Variants in TRIM66 observed in about 807,000 individuals in gnomAD.
TRIM66 encodes the protein tripartite motif containing 66.
A neutral mutation model predicts 148.2 loss-of-function variants in TRIM66; 99 were observed. That is an observed-to-expected ratio of 0.67 (90% CI 0.57 to 0.79). TRIM66 has a LOEUF of 0.79. Among genes scored for constraint, TRIM66 ranks in the 30% least tolerant of loss-of-function variants. TRIM66 has a pLI of 0.00. For missense variants in TRIM66, 1,666 were observed against 1,697.9 expected (o/e 0.98, Z 0.33); for synonymous variants, 616 against 635.9 (o/e 0.97, Z 0.47).
intron 6 of TRIM66, among the ~76,000 whole-genome samples, chr11:8,667,660 C>T (rs930599889): frequency 2.0e-5 from 3 of 152,224 alleles, no homozygotes; most frequent in African/African-American, 4.8e-5. Flanking sequence ...CAGAATCATA[C>T]AGTACTTGCC....
intron 15 of TRIM66, among the ~76,000 whole-genome samples, chr11:8,631,849 G>A (rs1347053537): frequency 6.6e-6 from 1 of 152,178 alleles, no homozygotes; most frequent in African/African-American, 2.4e-5. Context: ...TGTGATGGCT[G>A]TTTTTGCTGC....
intron 1 of TRIM66, chr11:8,680,682 C>G (rs11042037): frequency 0.047 from 7,106 of 152,198 alleles, 193 homozygotes; most frequent in Admixed American, 0.076. Flanking sequence ...CCAAGGAATA[C>G]TAACCAGTAA....
chr11:8,619,911 A>C, intron 22 of TRIM66, 139 bp downstream of exon 22: 1 of 888,010 alleles, frequency 1.1e-6, no homozygotes, highest in African/African-American at 1.7e-5. Flanking sequence ...TGAGCAGAAA[A>C]GACAGTAGCA....
chr11:8,622,730 A>T, intron 18 of TRIM66, 86 bp downstream of exon 18: 1 of 1,253,296 alleles, frequency 8.0e-7, no homozygotes, highest in Non-Finnish European at 1.1e-6. Flanking sequence ...ACTTGTAGTT[A>T]ATTCATCAAG....
chr11:8,631,722 T>C (rs1487318322), intron 15 of TRIM66, among the ~76,000 whole-genome samples: 1 of 152,234 alleles, frequency 6.6e-6, no homozygotes, highest in Non-Finnish European at 1.5e-5. Flanking sequence ...TACTATAATG[T>C]AGCTAAACTA....
Position 8,641,089 on chromosome 11 carries a change from T to C in TRIM66, c.1286A>G (p.Gln429Arg), listed in dbSNP as rs1349388074. ...RADAPAYGGL[Q>R]GSSPFYQSHQ... Reference sequence around the variant, plus strand: ...GCTTTGATAAAAGGGTGATGACCCCTGTAAGCCTCCATAAGCAGGAGCATC... The same window carrying C: ...GCTTTGATAAAAGGGTGATGACCCCCGTAAGCCTCCATAAGCAGGAGCATC... Residue 429 changes from glutamine to arginine, a missense_variant, in exon 14 of 25, where the codon CAG becomes CGG. This residue lies in a region of TRIM66 where 1,431 missense variants were observed against 1,412.4 expected (regional missense o/e 1.01). Coordinates refer to ENST00000646038, the MANE Select transcript of TRIM66 (RefSeq NM_001388022.1). 1 of 1,551,730 alleles carries C rather than the reference T, an allele frequency of 6.4e-7. No individual in the cohort carries two copies. Among genetic ancestry groups the C allele is most frequent in the Non-Finnish European group, 8.7e-7 (1 of 1,146,992 alleles).
chr11:8,681,278 C>G (rs533972370), intron 1 of TRIM66, among the ~76,000 whole-genome samples: 11 of 152,064 alleles, frequency 7.2e-5, no homozygotes. Flanking sequence ...GGACTACAGG[C>G]GCCCACCACC....
At position 8,619,380 on chromosome 11, in the gene TRIM66, T is replaced by C; in HGVS notation, c.3900+3A>G. The C allele has an allele frequency of 7.0e-7, 1 of 1,437,766 alleles. No homozygotes were observed. Among genetic ancestry groups the C allele is most frequent in the South Asian group, 1.3e-5 (1 of 74,890 alleles). The allele number at this position is 1,437,766 out of a possible 1,614,324, so 89.1% of individuals were successfully genotyped here. On this transcript the variant is annotated splice_donor_region_variant and intron_variant, in intron 23 of 24. Transcript: ENST00000646038. ...GGAGAGAGGGAAAACAGGCAAGACA[T>C]ACATAATTGAACTTAGCACAGTTCC...
upstream of TRIM66, chr11:8,683,141 G>T: frequency 1.3e-6 from 2 of 1,513,848 alleles, no homozygotes; most frequent in Non-Finnish European, 1.8e-6. Context: ...CATCTCGGCT[G>T]GCGGGCATCG....
chr11:8,631,017 T>C (rs1175660715), intron 15 of TRIM66, among the ~76,000 whole-genome samples: 3 of 152,200 alleles, frequency 2.0e-5, no homozygotes, highest in Admixed American at 2.0e-4. Context: ...TTCAGTGTGT[T>C]GACATTATTA....
At chr11:8,678,179 T>C (rs571190301) in intron 3 of TRIM66, 15 of 152,322 alleles carry the variant, frequency 9.8e-5, no homozygotes, top group African/African-American at 2.6e-4. Context: ...CCTAGACAAG[T>C]TATTCAACAG....
intron 12 of TRIM66, chr11:8,644,540 A>G (rs1215426111): frequency 5.1e-6 from 2 of 395,916 alleles, no homozygotes; most frequent in East Asian, 1.4e-4. Context: ...CTCCCATCTC[A>G]GACGAAGGGA....
At chr11:8,668,586 A>T (rs2133458445) in intron 6 of TRIM66, among the ~76,000 whole-genome samples, 1 of 148,470 alleles carries the variant, frequency 6.7e-6, no homozygotes, top group Admixed American at 6.7e-5. Context: ...TTTTATTTTT[A>T]TTTATTTTTT....
At chr11:8,683,160 C>T (rs1204126847), upstream of TRIM66, 9 of 1,594,252 alleles carry the variant, frequency 5.6e-6, no homozygotes, top group African/African-American at 4.0e-5. Context: ...CGCCCCCTGC[C>T]CCTAATTCCT....
chr11:8,659,629 G>C (rs1362404095), intron 6 of TRIM66, among the ~76,000 whole-genome samples: 1 of 152,136 alleles, frequency 6.6e-6, no homozygotes, highest in Non-Finnish European at 1.5e-5. Context: ...AATCTGGAGA[G>C]CTTGTTAGAA....
chr11:8,631,533 T>C (rs961361488), intron 15 of TRIM66, among the ~76,000 whole-genome samples: 3 of 152,210 alleles, frequency 2.0e-5, no homozygotes, highest in Admixed American at 6.5e-5. Context: ...ATCAAGGAAT[T>C]TGGATGAACC....
chr11:8,665,955 T>C (rs907129214), intron 6 of TRIM66, among the ~76,000 whole-genome samples: 3 of 150,926 alleles, frequency 2.0e-5, no homozygotes, highest in Admixed American at 6.6e-5. Context: ...TCTCAAAAAA[T>C]AAAAAAAGAG....
chr11:8,644,189 T>A (rs1054808697), intron 12 of TRIM66: 1 of 292,192 alleles, frequency 3.4e-6, no homozygotes, highest in Admixed American at 5.1e-5. Flanking sequence ...TTTACAGTCA[T>A]GATATCACTA....
rs2036292106 is a variant in TRIM66 at position 8,640,612 on chromosome 11, T to C, written c.1763A>G (p.Lys588Arg). Residue 588 changes from lysine to arginine, a missense_variant, in exon 14 of 25, where the codon AAG (lysine) becomes AGG (arginine). Physicochemically the swap from Lys to Arg is conservative, Grantham distance 26. Coordinates refer to ENST00000646038, the MANE Select transcript of TRIM66 (RefSeq NM_001388022.1). ...SIQVQFGHHQ[K>R]LKLSHFQQQP... ...CTGCTGAAAGTGACTGAGCTTCAGC[T>C]TCTGGTGGTGGCCAAACTGGACTTG... The C allele has an allele frequency of 1.3e-6, 2 of 1,551,344 alleles. No individual in the cohort carries two copies. Among genetic ancestry groups the C allele is most frequent in the Non-Finnish European group, 1.7e-6 (2 of 1,146,948 alleles).
Sources: gnomAD v4.1 joint callset for allele counts (sites outside exome capture counted in the v4.1 genomes callset) on GRCh38, gnomAD v4.1.1 for gene constraint, gnomAD v4.1.1 regional missense constraint, MANE v1.5 for transcripts, NCBI Gene and HGNC (gene_info 2026-07-23, HGNC 2026-07-21) for gene names.